OPRM1: variants seen among roughly 807,000 people sequenced by gnomAD.
The protein encoded by OPRM1 is mu-type opioid receptor.
A neutral mutation model predicts 31.8 loss-of-function variants in OPRM1; 27 were observed. The ratio of observed to expected loss-of-function variants is 0.85; its 90% CI spans 0.63 to 1.17. OPRM1 has a LOEUF of 1.17. Ranked by LOEUF, OPRM1 falls within the 50% of genes most tolerant of loss-of-function variation. The probability of loss-of-function intolerance (pLI) is 0.00; values close to 1 mark genes in which losing one functional copy is unlikely to be tolerated. For missense variants in OPRM1, 536 were observed against 511.1 expected (o/e 1.05, Z -0.47); for synonymous variants, 196 against 189.9 (o/e 1.03, Z -0.26).
chr6:154,168,724 G>A lies in OPRM1; in HGVS notation c.1164+77252G>A, dbSNP rs1332527529. On this transcript the variant is annotated intron_variant, in intron 3 of 3. Transcript: ENST00000337049. The surrounding 1 kb of genome is among the most constrained non-coding windows in gnomAD (Gnocchi z 4.1). ...AGGTTCAAGTGATTCTCCTGTCTCA[G>A]CCTCCCAAGTAGCTGGGATTACAGG... Among the ~76,000 whole-genome samples the A allele has an allele frequency of 2.0e-5, 3 of 151,918 alleles. No individual in the cohort carries two copies. Among genetic ancestry groups the A allele is most frequent in the African/African-American group, 4.8e-5 (2 of 41,348 alleles).
rs1384650261 is a variant in OPRM1, at chr6:154,119,888, T to G, written c.*1167T>G. On this transcript the variant is annotated 3_prime_UTR_variant, in exon 4 of 4. Transcript: ENST00000330432. ...TATAATGTCATCACCAATATTTTGG[T>G]CTTTTTGATCTCTGCTAAATGTCAA... 1.3e-5 allele frequency among the ~76,000 whole-genome samples: 2 copies of G among 152,232 alleles called. No homozygotes were observed. Among genetic ancestry groups the G allele is most frequent in the Admixed American group, 1.3e-4 (2 of 15,284 alleles).
intron 3 of OPRM1, chr6:154,246,680 T>C: frequency 6.2e-7 from 1 of 1,614,138 alleles, no homozygotes; most frequent in Non-Finnish European, 8.5e-7. Context: ...CCCTTTTCCT[T>C]TTTCTTATAC....
In OPRM1 at chr6:154,039,704, G is replaced by A. The variant is rs779965433; in HGVS notation, c.160G>A (p.Gly54Arg). 18 of 1,613,292 alleles carry A rather than the reference G, an allele frequency of 1.1e-5. No individual in the cohort carries two copies. Among genetic ancestry groups the A allele is most frequent in the Admixed American group, 5.0e-5 (3 of 60,002 alleles). The change falls in exon 1 of 4, where the codon GGG (glycine) becomes AGG (arginine). Residue 54 changes from glycine to arginine, a missense_variant. Physicochemically the swap from Gly to Arg is moderately radical, Grantham distance 125 (BLOSUM62 -2). Coordinates refer to ENST00000330432, the MANE Select transcript of OPRM1 (RefSeq NM_000914.5). ...CGGTCCGAACCGCACCGACCTGGGC[G>A]GGAGAGACAGCCTGTGCCCTCCGAC... ...PCGPNRTDLG[G>R]RDSLCPPTGS...
intron 3 of OPRM1, chr6:154,160,029 A>G (rs756439887): frequency 6.2e-7 from 1 of 1,611,362 alleles, no homozygotes; most frequent in South Asian, 1.1e-5. Context: ...TGGCCAGATC[A>G]TGTTCTTTAC....
At chr6:154,205,921 A>G (rs967982647) in intron 3 of OPRM1, among the ~76,000 whole-genome samples, 2 of 152,044 alleles carry the variant, frequency 1.3e-5, no homozygotes, top group African/African-American at 2.4e-5. Flanking sequence ...AAACTCACCC[A>G]GATCCCCTTT....
chr6:154,110,038 G>A (rs1479909474), intron 3 of OPRM1, among the ~76,000 whole-genome samples: 1 of 152,076 alleles, frequency 6.6e-6, no homozygotes, highest in Non-Finnish European at 1.5e-5. Flanking sequence ...TAATTGGCAA[G>A]GTCTCATAAT....
intron 3 of OPRM1, among the ~76,000 whole-genome samples, chr6:154,101,346 C>CA (rs1260908317): frequency 6.6e-6 from 1 of 152,228 alleles, no homozygotes; most frequent in East Asian, 1.9e-4. Context: ...CATTCAAATT[C>CA]AAACCATCAA....
At chr6:154,099,281 T>G in intron 3 of OPRM1, among the ~76,000 whole-genome samples, 1 of 101,012 alleles carries the variant, frequency 9.9e-6, no homozygotes, top group African/African-American at 3.7e-5. Flanking sequence ...TGAGAGTCTG[T>G]CGAAAGGAAG....
At chr6:154,190,537 GGA>G (rs1397020327) in intron 3 of OPRM1, among the ~76,000 whole-genome samples, 12 of 152,286 alleles carry the variant, frequency 7.9e-5, no homozygotes, top group Non-Finnish European at 4.4e-5. Context: ...TGAAGCAACA[GGA>G]ACTCTCATTC....
At chr6:154,152,400 G>A (rs1306305136) in intron 3 of OPRM1, among the ~76,000 whole-genome samples, 1 of 151,408 alleles carries the variant, frequency 6.6e-6, no homozygotes, top group Admixed American at 6.6e-5. Context: ...AAGAGAAATA[G>A]TGTTCAGGTT....
intron 3 of OPRM1, among the ~76,000 whole-genome samples, chr6:154,204,605 G>A (rs1777334775): frequency 6.6e-6 from 1 of 152,064 alleles, no homozygotes; most frequent in Non-Finnish European, 1.5e-5. Context: ...ATGACCTTGG[G>A]CAATGTGCTG....
chr6:154,193,907 A>C (rs1776368184), intron 3 of OPRM1, among the ~76,000 whole-genome samples: 1 of 152,254 alleles, frequency 6.6e-6, no homozygotes, highest in African/African-American at 2.4e-5. Context: ...TTGATAAAAC[A>C]CAATTCTAGT....
Position 154,198,083 on chromosome 6 carries a change from ATGTT to A in OPRM1, c.1165-48606_1165-48603del, listed in dbSNP as rs1439507875. Among the ~76,000 whole-genome samples the A allele has an allele frequency of 2.6e-5, 4 of 152,190 alleles. No homozygotes were observed. In the East Asian group the frequency reaches 7.7e-4, roughly 29 times the overall value. ...AATAGGCAATCAATATTCAATGAAA[ATGTT>A]TGTCTCAGAATGAGTAAAGACCTCC... On this transcript the variant is annotated intron_variant, in intron 3 of 3. Transcript: ENST00000337049.
rs1043541469 is a variant in OPRM1 at position 154,039,751 on chromosome 6, G to C, written c.207G>C (p.Thr69=). 1.9e-6 allele frequency: 3 copies of C among 1,607,424 alleles called. No homozygotes were observed. The highest frequency in any genetic ancestry group is 2.7e-5 in the African/African-American group (2 of 74,926). The part of the protein sequence containing the change: ...CPPTGSPSMI[T]AITIMALYSI... ...CGACCGGCAGTCCCTCCATGATCACGGCCATCACGATCATGGCCCTCTACT... is the reference window on the plus strand; with the variant it reads ...CGACCGGCAGTCCCTCCATGATCACCGCCATCACGATCATGGCCCTCTACT... Residue 69 remains threonine, a synonymous_variant, in exon 1 of 4, where the codon ACG becomes ACC. Coordinates refer to ENST00000330432, the MANE Select transcript of OPRM1 (RefSeq NM_000914.5).
rs1181947981 is a variant in OPRM1 at position 154,122,746 on chromosome 6, C to T, written c.*4025C>T. Among the ~76,000 whole-genome samples the T allele has an allele frequency of 6.6e-6, 1 of 152,152 alleles. No individual in the cohort carries two copies. Among genetic ancestry groups the T allele is most frequent in the East Asian group, 1.9e-4 (1 of 5,204 alleles). On this transcript the variant is annotated 3_prime_UTR_variant, in exon 4 of 4. Coordinates refer to ENST00000330432, the MANE Select transcript of OPRM1 (RefSeq NM_000914.5). ...TTTTGTTATGCAATATCACCCATATCAAATACCATTCTTAAAGCAGTAGAC... is the reference window on the plus strand; with the variant it reads ...TTTTGTTATGCAATATCACCCATATTAAATACCATTCTTAAAGCAGTAGAC...
chr6:154,010,723 A>G (rs534665555), exon 1 of OPRM1: 1 of 1,431,512 alleles, frequency 7.0e-7, no homozygotes, highest in South Asian at 1.5e-5. Context: ...GTGTGTGGAC[A>G]TGACTTTGCC....
At chr6:154,079,395 G>A (rs1788593140) in intron 1 of OPRM1, among the ~76,000 whole-genome samples, 1 of 152,214 alleles carries the variant, frequency 6.6e-6, no homozygotes, top group African/African-American at 2.4e-5. Flanking sequence ...CATGGGGGAA[G>A]TGAGCCCTCT....
intron 1 of OPRM1, among the ~76,000 whole-genome samples, chr6:154,055,801 G>C (rs1345337112): frequency 6.6e-6 from 1 of 152,102 alleles, no homozygotes; most frequent in Non-Finnish European, 1.5e-5. Flanking sequence ...AAGTGAGTAG[G>C]GGAAAAATAT....
At chr6:154,088,577 G>A (rs1460156864) in intron 1 of OPRM1, among the ~76,000 whole-genome samples, 1 of 152,100 alleles carries the variant, frequency 6.6e-6, no homozygotes, top group Non-Finnish European at 1.5e-5. Context: ...GGTCCAATTG[G>A]GTCTACACAC....
Sources: allele counts gnomAD v4.1 joint callset (sites outside exome capture counted in the v4.1 genomes callset), GRCh38; gene constraint gnomAD v4.1.1; non-coding constraint Gnocchi (gnomAD v3.1); transcripts MANE v1.5; gene names NCBI Gene and HGNC (gene_info 2026-07-23, HGNC 2026-07-21).